LRRC36: variants seen among roughly 807,000 people sequenced by gnomAD.
The protein encoded by LRRC36 is leucine rich repeat containing 36.
LRRC36 carries 62 observed loss-of-function variants against 81.1 expected under a neutral mutation model. The observed-to-expected ratio is 0.76, with a 90% confidence interval of 0.62 to 0.94. The LOEUF (loss-of-function observed/expected upper bound fraction) is 0.94, where lower values mean the gene tolerates loss of function less well. LRRC36 is among the 40% of genes least tolerant of loss of function. The pLI is 0.00. For missense variants in LRRC36, 761 were observed against 881.7 expected, an observed-to-expected ratio of 0.86 and a Z score of 1.73; for synonymous variants, 334 against 348.6, an observed-to-expected ratio of 0.96 and a Z score of 0.47.
At chr16:67,349,592 A>ACC (rs2038518533) in intron 4 of LRRC36, among the ~76,000 whole-genome samples, 1 of 152,030 alleles carries the variant, frequency 6.6e-6, no homozygotes, top group Admixed American at 6.6e-5. Context: ...AAACTGTCCT[A>ACC]CCCCCTCAAT....
At chr16:67,327,084 C>T in intron 1 of LRRC36, 152 bp downstream of exon 1, 1 of 700,178 alleles carries the variant, frequency 1.4e-6, no homozygotes, top group Non-Finnish European at 2.2e-6. Context: ...TAACTTGAGG[C>T]AGAAGGTTAG....
chr16:67,335,767 T>C (rs1203239452), intron 1 of LRRC36, among the ~76,000 whole-genome samples: 1 of 151,766 alleles, frequency 6.6e-6, no homozygotes, highest in Non-Finnish European at 1.5e-5. Flanking sequence ...ACTTTCGCTG[T>C]TGTTGCCCAG....
intron 13 of LRRC36, among the ~76,000 whole-genome samples, chr16:67,383,555 C>G (rs2040190573): frequency 6.6e-6 from 1 of 152,138 alleles, no homozygotes; most frequent in Admixed American, 6.5e-5. Flanking sequence ...TGCTACTGGT[C>G]TGGGGACCAC....
intron 11 of LRRC36, among the ~76,000 whole-genome samples, chr16:67,377,423 C>A (rs1195169918): frequency 6.6e-6 from 1 of 152,196 alleles, no homozygotes; most frequent in Non-Finnish European, 1.5e-5. Flanking sequence ...CTCTGCCCCC[C>A]AGGTTCAAGC....
chr16:67,364,737 GA>G (rs762120500), intron 6 of LRRC36, among the ~76,000 whole-genome samples: 10 of 152,112 alleles, frequency 6.6e-5, no homozygotes, highest in Non-Finnish European at 4.4e-5. Context: ...CTTGAAGTGA[GA>G]AAAAAGGAAA....
At chr16:67,381,434 C>A (rs1449910990) in intron 12 of LRRC36, among the ~76,000 whole-genome samples, 1 of 152,032 alleles carries the variant, frequency 6.6e-6, no homozygotes, top group Non-Finnish European at 1.5e-5. Flanking sequence ...TAGATGTTTT[C>A]ACATACTACG....
In LRRC36 at chr16:67,385,163, G is replaced by GCAA; in HGVS notation, c.*74_*75insCAA. On this transcript the variant is annotated 3_prime_UTR_variant, in exon 14 of 14. Coordinates refer to ENST00000329956, the MANE Select transcript of LRRC36 (RefSeq NM_018296.6). ...CACCGCCATTGCCACCAGTATGGTG[G>GCAA]TATGTACTCACAAAGATTAAGAAAG... 9 of 1,075,350 alleles carry GCAA rather than the reference G, an allele frequency of 8.4e-6. No individual in the cohort carries two copies. Among genetic ancestry groups the GCAA allele is most frequent in the Non-Finnish European group, 1.3e-5 (9 of 714,104 alleles). 66.6% of individuals were successfully genotyped at this position (1,075,350 alleles called of 1,614,324 possible). A position where few individuals can be genotyped will look rare whatever the true frequency, so the allele number is the denominator to read the frequency against.
intron 5 of LRRC36, among the ~76,000 whole-genome samples, chr16:67,358,554 T>C (rs1177861686): frequency 3.3e-5 from 5 of 151,666 alleles, no homozygotes; most frequent in Non-Finnish European, 7.4e-5. Context: ...GGTCTTGCTA[T>C]GTTGCCCAGG....
intron 1 of LRRC36, among the ~76,000 whole-genome samples, chr16:67,339,238 T>C (rs1184321166): frequency 2.1e-5 from 3 of 144,728 alleles, no homozygotes; most frequent in Non-Finnish European, 4.5e-5. Flanking sequence ...TCTTGCACCA[T>C]AAGTGTAAAT....
At chr16:67,370,844 GT>G in intron 8 of LRRC36, 99 bp from the exon 9 acceptor site, 1 of 890,028 alleles carries the variant, frequency 1.1e-6, no homozygotes, top group Non-Finnish European at 1.8e-6. Flanking sequence ...ATGCTAGGGA[GT>G]GGTTATTATG....
intron 1 of LRRC36, among the ~76,000 whole-genome samples, chr16:67,330,406 C>T (rs187653953): frequency 2.0e-5 from 3 of 151,998 alleles, no homozygotes; most frequent in African/African-American, 7.3e-5. Flanking sequence ...TTTGCTTATC[C>T]TGAGGTACAG....
At chr16:67,354,063 C>T (rs1431765546) in intron 5 of LRRC36, among the ~76,000 whole-genome samples, 1 of 152,170 alleles carries the variant, frequency 6.6e-6, no homozygotes, top group Non-Finnish European at 1.5e-5. Context: ...TAAGCTCTAT[C>T]TGTAATTTGT....
rs980013629 is a variant in LRRC36, at chr16:67,365,235, C to G, written c.703-69C>G. The G allele has an allele frequency of 4.2e-6, 4 of 945,726 alleles. No homozygotes were observed. In the African/African-American group the frequency reaches 6.5e-5, roughly 15 times the overall value. 58.6% of individuals were successfully genotyped at this position (945,726 alleles called of 1,614,324 possible). A position where few individuals can be genotyped will look rare whatever the true frequency, so the allele number is the denominator to read the frequency against. ...ATTAATAGGAAGGTATTCTGAACCC[C>G]TAGTCTAATAAGCTCACATTTGAAC... On this transcript the variant is annotated intron_variant, in intron 6 of 13. Coordinates refer to ENST00000329956, the MANE Select transcript of LRRC36 (RefSeq NM_018296.6).
chr16:67,337,362 TTTTC>T (rs1468251278), intron 1 of LRRC36, among the ~76,000 whole-genome samples: 4 of 151,474 alleles, frequency 2.6e-5, no homozygotes, highest in Non-Finnish European at 5.9e-5. Flanking sequence ...TTTATTTTTC[TTTTC>T]TTTCTTTTTT....
chr16:67,351,596 A>G (rs2038638237), intron 5 of LRRC36, among the ~76,000 whole-genome samples: 1 of 152,156 alleles, frequency 6.6e-6, no homozygotes, highest in African/African-American at 2.4e-5. Context: ...AATCCCAGCT[A>G]CTTGAGTGGC....
At chr16:67,376,016 A>G (rs1173604111) in intron 10 of LRRC36, among the ~76,000 whole-genome samples, 1 of 152,230 alleles carries the variant, frequency 6.6e-6, no homozygotes, top group East Asian at 1.9e-4. Context: ...TTTAAATATA[A>G]ACTAGAAACT....
intron 11 of LRRC36, among the ~76,000 whole-genome samples, chr16:67,377,982 T>G (rs2039968747): frequency 6.6e-6 from 1 of 152,156 alleles, no homozygotes; most frequent in South Asian, 2.1e-4. Context: ...CAAGTTCAGT[T>G]CTAGAAACTT....
chr16:67,374,882 A>AAC (rs1312134129), intron 9 of LRRC36, among the ~76,000 whole-genome samples: 18 of 152,084 alleles, frequency 1.2e-4, no homozygotes, highest in Non-Finnish European at 8.8e-5. Flanking sequence ...CTGTAATCCC[A>AAC]ACACTTTGGG....
chr16:67,347,581 G>A lies in LRRC36; in HGVS notation c.478G>A (p.Val160Met). 1 of 1,610,966 alleles carries A rather than the reference G, an allele frequency of 6.2e-7. No homozygotes were observed. The highest frequency in any genetic ancestry group is 2.2e-5 in the East Asian group (1 of 44,822). ...LGNSENFLLE[V>M]EKSSREKTMK... The stretch of plus-strand genomic sequence containing the variant: ...CAACAGTGAAAATTTTCTTTTAGAG[G>A]TGGAAAAAAGGTAAGAAGATTCTTT... Residue 160 changes from valine to methionine, a missense_variant, in exon 4 of 14, where the codon GTG becomes ATG. By Grantham distance (21) the Val-to-Met change is conservative (BLOSUM62 1). Transcript: ENST00000329956.
Sources: allele counts gnomAD v4.1 joint callset (sites outside exome capture counted in the v4.1 genomes callset), GRCh38; gene constraint gnomAD v4.1.1; transcripts MANE v1.5; gene names NCBI Gene and HGNC (gene_info 2026-07-23, HGNC 2026-07-21).